Variants in PCDH17 observed in about 807,000 individuals in gnomAD.
PCDH17 encodes protocadherin-17.
Under a neutral mutation model 67.7 loss-of-function variants are expected in PCDH17, and 21 were observed. The observed-to-expected ratio is 0.31, with a 90% CI of 0.22 to 0.45. PCDH17 has a LOEUF of 0.45. Ranked by LOEUF, PCDH17 falls within the 20% of genes least tolerant of loss-of-function variation. PCDH17 has a pLI of 1.00. For synonymous variants in PCDH17, 701 were observed against 656.7 expected (o/e 1.07, Z -1.03); for missense variants, 1,471 against 1,564.8 (o/e 0.94, Z 1.01).
chr13:57,719,898 A>G (rs1459490463), intron 3 of PCDH17, among the ~76,000 whole-genome samples: 1 of 152,022 alleles, frequency 6.6e-6, no homozygotes, highest in Non-Finnish European at 1.5e-5. Context: ...TTTGGTTTCA[A>G]CTTTCTATCT....
intron 3 of PCDH17, among the ~76,000 whole-genome samples, chr13:57,711,431 G>T (rs534255689): frequency 6.6e-6 from 1 of 151,738 alleles, no homozygotes; most frequent in African/African-American, 2.4e-5. Flanking sequence ...TTTAGGCAAG[G>T]CCCCTTCTAT....
At chr13:57,663,675 C>T (rs756668180) in intron 1 of PCDH17, among the ~76,000 whole-genome samples, 2 of 152,170 alleles carry the variant, frequency 1.3e-5, no homozygotes, top group African/African-American at 4.8e-5. Context: ...TTCCTATCTA[C>T]TTTAATCAAT....
intron 3 of PCDH17, among the ~76,000 whole-genome samples, chr13:57,679,095 G>A (rs112016178): frequency 6.6e-6 from 1 of 151,314 alleles, no homozygotes; most frequent in Non-Finnish European, 1.5e-5. Flanking sequence ...GTCAGTTCAA[G>A]TCAGTTTTAT....
rs78376132 is a variant in PCDH17 at position 57,676,078 on chromosome 13, G to T, written c.2797+9245G>T. 1.9e-4 allele frequency among the ~76,000 whole-genome samples: 29 copies of T among 151,908 alleles called. No individual in the cohort carries two copies. In the East Asian group the frequency reaches 5.1e-3, roughly 27 times the overall value. ...AAATGACTTAATGTCTAACTAAATGGAATATTAATTGAATTATTTAATGCC... is the reference window on the plus strand; with the variant it reads ...AAATGACTTAATGTCTAACTAAATGTAATATTAATTGAATTATTTAATGCC... On this transcript the variant is annotated intron_variant, in intron 3 of 3. Transcript: ENST00000377918.
At chr13:57,641,406 A>C (rs1954890980) in intron 1 of PCDH17, among the ~76,000 whole-genome samples, 2 of 150,112 alleles carry the variant, frequency 1.3e-5, no homozygotes, top group Admixed American at 1.3e-4. Flanking sequence ...AATATATTTA[A>C]GGTAAAGCAA....
At chr13:57,691,288 A>G (rs1955555892) in intron 3 of PCDH17, among the ~76,000 whole-genome samples, 1 of 151,416 alleles carries the variant, frequency 6.6e-6, no homozygotes, top group Admixed American at 6.6e-5. Flanking sequence ...CATAGTGAAA[A>G]TATTTAGTAG....
chr13:57,675,753 C>T (rs1233220113), intron 3 of PCDH17, among the ~76,000 whole-genome samples: 2 of 151,802 alleles, frequency 1.3e-5, no homozygotes, highest in Non-Finnish European at 1.5e-5. Context: ...GCTGGAAGCC[C>T]AGTGATGCAA....
At chr13:57,655,023 T>C (rs560156425) in intron 1 of PCDH17, among the ~76,000 whole-genome samples, 3 of 152,128 alleles carry the variant, frequency 2.0e-5, no homozygotes, top group African/African-American at 7.2e-5. Flanking sequence ...TATTAATTAT[T>C]ATAAAATATG....
intron 1 of PCDH17, among the ~76,000 whole-genome samples, chr13:57,654,387 T>A (rs948804299): frequency 2.1e-5 from 3 of 144,316 alleles, no homozygotes; most frequent in Non-Finnish European, 4.5e-5. Context: ...ATGACTGTTA[T>A]TGATATTTCT....
chr13:57,673,978 T>C (rs1955356550), intron 3 of PCDH17, among the ~76,000 whole-genome samples: 1 of 151,998 alleles, frequency 6.6e-6, no homozygotes, highest in South Asian at 2.1e-4. Flanking sequence ...CCCCACAGTT[T>C]ACCTAACTTT....
Position 57,725,519 on chromosome 13 carries a change from TTAA to T in PCDH17, c.*227_*229del, listed in dbSNP as rs1955909353. ...TGACCAAACTTGTATTAGGACAGAA[TTAA>T]TGATGCTTAAAGAGAAAAGAAAAAA... On this transcript the variant is annotated 3_prime_UTR_variant, in exon 4 of 4. Coordinates refer to ENST00000377918, the MANE Select transcript of PCDH17 (RefSeq NM_001040429.3). The T allele has an allele frequency of 2.1e-6, 1 of 467,286 alleles. No homozygotes were observed. Among genetic ancestry groups the T allele is most frequent in the African/African-American group, 2.0e-5 (1 of 50,866 alleles). The allele number at this position is 467,286 out of a possible 1,614,324, so 28.9% of individuals were successfully genotyped here. A position where few individuals can be genotyped will look rare whatever the true frequency, so the allele number is the denominator to read the frequency against.
chr13:57,716,268 T>TACTTATACTAGTGCTTATACTAGC (rs1955815934), intron 3 of PCDH17, among the ~76,000 whole-genome samples: 1 of 152,064 alleles, frequency 6.6e-6, no homozygotes, highest in South Asian at 2.1e-4. Flanking sequence ...ACTGCTTAAA[T>TACTTATACTAGTGCTTATACTAGC]ACTTATACTA....
chr13:57,652,567 C>A lies in PCDH17; in HGVS notation c.2566-13901C>A, dbSNP rs190749879. Among the ~76,000 whole-genome samples, 179 of 152,028 alleles carry A rather than the reference C, an allele frequency of 1.2e-3. 1 individual carries two copies. The highest frequency in any genetic ancestry group is 3.7e-3 in the African/African-American group (155 of 41,486). On this transcript the variant is annotated intron_variant, in intron 1 of 3. Coordinates refer to ENST00000377918, the MANE Select transcript of PCDH17 (RefSeq NM_001040429.3). ...GTGACTTCTTTTTTATGGAGAGAGG[C>A]CTTTTAGGAAGGAAAGCTTGTACCA... is the stretch of plus-strand genomic sequence containing the variant.
chr13:57,689,459 A>G (rs1448888865), intron 3 of PCDH17, among the ~76,000 whole-genome samples: 1 of 151,996 alleles, frequency 6.6e-6, no homozygotes, highest in Non-Finnish European at 1.5e-5. Context: ...GAAAATGGGA[A>G]GGACACAATT....
At chr13:57,722,089 A>T (rs148267964) in intron 3 of PCDH17, among the ~76,000 whole-genome samples, 230 of 152,202 alleles carry the variant, frequency 1.5e-3, no homozygotes, top group African/African-American at 5.3e-3. Flanking sequence ...AATACTCAAA[A>T]TTTGCTCCCC....
chr13:57,637,607 T>C (rs1471181885), intron 1 of PCDH17, among the ~76,000 whole-genome samples: 1 of 151,962 alleles, frequency 6.6e-6, no homozygotes, highest in Non-Finnish European at 1.5e-5. Flanking sequence ...TTTCTGAAGG[T>C]AGAATTTTAA....
intron 3 of PCDH17, among the ~76,000 whole-genome samples, chr13:57,717,192 A>G (rs9527687): frequency 0.34 from 50,938 of 151,672 alleles, 8,914 homozygotes; most frequent in Middle Eastern, 0.37. Flanking sequence ...GGCTGTGCCT[A>G]CAGAAGGGAA....
intron 1 of PCDH17, among the ~76,000 whole-genome samples, chr13:57,642,290 G>A (rs1335673012): frequency 6.6e-6 from 1 of 151,676 alleles, no homozygotes; most frequent in African/African-American, 2.4e-5. Context: ...GCTAAAAGCA[G>A]CCTTTGTAGG....
At chr13:57,721,764 G>A (rs1468631094) in intron 3 of PCDH17, among the ~76,000 whole-genome samples, 1 of 151,406 alleles carries the variant, frequency 6.6e-6, no homozygotes, top group Admixed American at 6.6e-5. Flanking sequence ...CCTTCACTTT[G>A]TTTTGCTTCT....
Sources: allele counts gnomAD v4.1 joint callset (sites outside exome capture counted in the v4.1 genomes callset), GRCh38; gene constraint gnomAD v4.1.1; transcripts MANE v1.5; gene names NCBI Gene and HGNC (gene_info 2026-07-23, HGNC 2026-07-21).